ZEB1: variants seen among roughly 807,000 people sequenced by gnomAD.
ZEB1 encodes zinc finger E-box binding homeobox 1, also known as zinc finger E-box-binding homeobox 1.
In ZEB1, 21 loss-of-function variants were observed where a neutral mutation model predicts 84.9. That is an observed-to-expected ratio of 0.25 (90% CI 0.18 to 0.36). The LOEUF is 0.36. Among genes scored for constraint, ZEB1 ranks in the 10% least tolerant of loss-of-function variants. The pLI, the probability that ZEB1 is intolerant of heterozygous loss-of-function variation, is 1.00. For synonymous variants in ZEB1, 420 were observed against 471.1 expected (o/e 0.89, Z 1.41); for missense variants, 1,104 against 1,330.2 (o/e 0.83, Z 2.65).
At chr10:31,432,575 C>T (rs561973289) in intron 1 of ZEB1, among the ~76,000 whole-genome samples, 3 of 152,108 alleles carry the variant, frequency 2.0e-5, no homozygotes, top group South Asian at 4.2e-4. Flanking sequence ...AGCAACAGAG[C>T]GCAATACCCT....
intron 1 of ZEB1, among the ~76,000 whole-genome samples, chr10:31,390,257 AGAG>A (rs1294809911): frequency 1.3e-5 from 2 of 152,198 alleles, no homozygotes; most frequent in African/African-American, 4.8e-5. Flanking sequence ...TAACTTGAGA[AGAG>A]GACATCATCA....
chr10:31,429,172 A>G (rs1323174817), intron 1 of ZEB1, among the ~76,000 whole-genome samples: 1 of 152,142 alleles, frequency 6.6e-6, no homozygotes, highest in Non-Finnish European at 1.5e-5. Flanking sequence ...TGGTCTGTGT[A>G]CTTCAGTATG....
intron 1 of ZEB1, among the ~76,000 whole-genome samples, chr10:31,439,531 G>T (rs1040923174): frequency 1.3e-5 from 2 of 152,106 alleles, no homozygotes; most frequent in Non-Finnish European, 2.9e-5. Context: ...CTAGATGAGG[G>T]GAACAGTGGT....
chr10:31,442,725 G>A (rs907136827), intron 1 of ZEB1, among the ~76,000 whole-genome samples: 5 of 152,088 alleles, frequency 3.3e-5, no homozygotes, highest in African/African-American at 9.7e-5. Context: ...AGCAGTTGGT[G>A]AGTTAAGAGG....
At chr10:31,437,782 T>A (rs1174456018) in intron 1 of ZEB1, among the ~76,000 whole-genome samples, 3 of 152,200 alleles carry the variant, frequency 2.0e-5, no homozygotes, top group African/African-American at 2.4e-5. Context: ...CTTCCCATGG[T>A]CAGGAGTTTT....
At chr10:31,416,478 A>G (rs2055236301) in intron 1 of ZEB1, among the ~76,000 whole-genome samples, 1 of 152,136 alleles carries the variant, frequency 6.6e-6, no homozygotes, top group South Asian at 2.1e-4. Context: ...AAACGATTAA[A>G]TGGAAGACAA....
chr10:31,329,443 T>TA (rs2036290953), intron 1 of ZEB1, among the ~76,000 whole-genome samples: 1 of 152,162 alleles, frequency 6.6e-6, no homozygotes, highest in East Asian at 1.9e-4. Flanking sequence ...GTGGAACTAT[T>TA]AACTTGGGTT....
chr10:31,355,744 G>T (rs916462385), intron 1 of ZEB1, among the ~76,000 whole-genome samples: 4 of 152,176 alleles, frequency 2.6e-5, no homozygotes, highest in African/African-American at 9.6e-5. Context: ...AAAGATTCCA[G>T]TGTGAGCGTT....
intron 1 of ZEB1, among the ~76,000 whole-genome samples, chr10:31,352,224 T>C (rs943777800): frequency 1.3e-5 from 2 of 152,236 alleles, no homozygotes; most frequent in African/African-American, 4.8e-5. Flanking sequence ...ATTGTGATTT[T>C]ATGAAACATT....
rs1045700856 is a variant in ZEB1 at position 31,378,316 on chromosome 10, C to T, written c.58+59024C>T. Among the ~76,000 whole-genome samples, 6 of 151,272 alleles carry T rather than the reference C, an allele frequency of 4.0e-5. No homozygotes were observed. In the East Asian group the frequency reaches 1.2e-3, roughly 29 times the overall value. ...AAAAAAGTATATGTATATACTCATA[C>T]ATACATACTCATCAGAAGTTAGTTG... On this transcript the variant is annotated intron_variant, in intron 1 of 8. Transcript: ENST00000424869.
intron 1 of ZEB1, among the ~76,000 whole-genome samples, chr10:31,429,216 C>A (rs1591166588): frequency 6.6e-6 from 1 of 152,070 alleles, no homozygotes; most frequent in South Asian, 2.1e-4. Context: ...CTTTCCTTTC[C>A]CTATTTAATG....
At chr10:31,452,066 T>C (rs1052520092) in intron 1 of ZEB1, among the ~76,000 whole-genome samples, 1 of 152,044 alleles carries the variant, frequency 6.6e-6, no homozygotes, top group Non-Finnish European at 1.5e-5. Flanking sequence ...TGATTGACTT[T>C]TATTGGAGTT....
intron 1 of ZEB1, among the ~76,000 whole-genome samples, chr10:31,413,840 T>C (rs1047606248): frequency 1.3e-5 from 2 of 152,222 alleles, no homozygotes; most frequent in Non-Finnish European, 2.9e-5. Context: ...AGCGATTAAC[T>C]TGATAAAAAA....
At chr10:31,508,559 G>T (rs2069384688) in intron 4 of ZEB1, among the ~76,000 whole-genome samples, 1 of 152,116 alleles carries the variant, frequency 6.6e-6, no homozygotes, top group Admixed American at 6.5e-5. Context: ...TGACAACAGT[G>T]TTGGACTGGG....
chr10:31,430,125 G>A (rs1364953864), intron 1 of ZEB1, among the ~76,000 whole-genome samples: 1 of 152,158 alleles, frequency 6.6e-6, no homozygotes, highest in Admixed American at 6.5e-5. Context: ...AATTGCATAT[G>A]ATTTTGAAAT....
chr10:31,439,869 T>C (rs2058717274), intron 1 of ZEB1, among the ~76,000 whole-genome samples: 1 of 152,070 alleles, frequency 6.6e-6, no homozygotes, highest in Non-Finnish European at 1.5e-5. Context: ...TGGAGGGCCT[T>C]GGATTACAGT....
At chr10:31,406,344 C>T (rs766278583) in intron 1 of ZEB1, among the ~76,000 whole-genome samples, 1 of 152,298 alleles carries the variant, frequency 6.6e-6, no homozygotes, top group Middle Eastern at 3.4e-3. Context: ...TGCACATCCT[C>T]TCCAGCATCT....
intron 1 of ZEB1, among the ~76,000 whole-genome samples, chr10:31,407,547 A>G (rs1406310561): frequency 1.3e-5 from 2 of 152,016 alleles, no homozygotes; most frequent in African/African-American, 2.4e-5. Flanking sequence ...ATAATGCCGC[A>G]ATAAACATAC....
At chr10:31,433,464 T>C (rs1024692688) in intron 1 of ZEB1, among the ~76,000 whole-genome samples, 1 of 152,246 alleles carries the variant, frequency 6.6e-6, no homozygotes, top group Non-Finnish European at 1.5e-5. Flanking sequence ...AGAAAATATC[T>C]GCCAAATACT....
Sources: allele counts gnomAD v4.1 joint callset (sites outside exome capture counted in the v4.1 genomes callset), GRCh38; gene constraint gnomAD v4.1.1; transcripts MANE v1.5; gene names NCBI Gene and HGNC (gene_info 2026-07-23, HGNC 2026-07-21).